The following EPM2A variants were observed in gnomAD, a reference collection of about 807,000 sequenced individuals.
The protein encoded by EPM2A is laforin.
A neutral mutation model predicts 26.5 loss-of-function variants in EPM2A; 21 were observed. The observed-to-expected ratio is 0.79, with a 90% confidence interval of 0.56 to 1.14. The LOEUF is 1.14. Ranked by LOEUF, EPM2A falls within the 50% of genes most tolerant of loss-of-function variation. The pLI, the probability that EPM2A is intolerant of heterozygous loss-of-function variation, is 0.00. For missense variants in EPM2A, 458 were observed against 440.8 expected (o/e 1.04, Z -0.35); for synonymous variants, 217 against 177.6 (o/e 1.22, Z -1.76).
intron 2 of EPM2A, among the ~76,000 whole-genome samples, chr6:145,545,294 A>G (rs1780568955): frequency 6.6e-6 from 1 of 152,108 alleles, no homozygotes; most frequent in Non-Finnish European, 1.5e-5. Context: ...TCATCCTTAG[A>G]CCAGTGGCTG....
chr6:145,706,738 A>C (rs1235079875), intron 1 of EPM2A, among the ~76,000 whole-genome samples: 1 of 152,250 alleles, frequency 6.6e-6, no homozygotes, highest in Non-Finnish European at 1.5e-5. Context: ...GGTTTTGTTC[A>C]AATACATTCA....
chr6:145,442,528 T>G (rs904159054), intron 4 of EPM2A, among the ~76,000 whole-genome samples: 1 of 151,438 alleles, frequency 6.6e-6, no homozygotes, highest in African/African-American at 2.4e-5. Context: ...TTGTGAGACT[T>G]AATCACCACC....
In EPM2A at chr6:145,553,083, T is replaced by C. The variant is rs117390742; in HGVS notation, c.341-50508A>G. On this transcript the variant is annotated intron_variant, in intron 2 of 3. Transcript: ENST00000450221. The stretch of plus-strand genomic sequence containing the variant: ...GGAGGTAATTGAATCATGAGGGCAG[T>C]TTCGCCATGCTGTTATCATGATAAT... Among the ~76,000 whole-genome samples the C allele has an allele frequency of 4.6e-3, 702 of 152,102 alleles. 26 individuals carry two copies. In the East Asian group the frequency reaches 0.084, roughly 18 times the overall value.
At chr6:145,446,789 G>C (rs1399642233) in intron 4 of EPM2A, among the ~76,000 whole-genome samples, 1 of 152,028 alleles carries the variant, frequency 6.6e-6, no homozygotes, top group African/African-American at 2.4e-5. Flanking sequence ...TCAAAAGGAT[G>C]CCTCAAGGTA....
intron 2 of EPM2A, among the ~76,000 whole-genome samples, chr6:145,680,384 T>TTTA (rs77278542): frequency 0.56 from 79,706 of 141,228 alleles, 22,723 homozygotes; most frequent in East Asian, 0.65. Context: ...TATTTATTTA[T>TTTA]TTTATTTTAT....
At chr6:145,706,659 A>G (rs1782240179) in intron 1 of EPM2A, among the ~76,000 whole-genome samples, 2 of 152,218 alleles carry the variant, frequency 1.3e-5, no homozygotes. Context: ...GATTAAAATA[A>G]TATGCCGCTG....
chr6:145,599,847 T>C lies in EPM2A; in HGVS notation c.340+35398A>G, dbSNP rs1288379932. Among the ~76,000 whole-genome samples the C allele has an allele frequency of 2.0e-5, 3 of 152,086 alleles. No homozygotes were observed. In the East Asian group the frequency reaches 5.8e-4, roughly 29 times the overall value. On this transcript the variant is annotated intron_variant, in intron 2 of 3. Coordinates refer to the EPM2A transcript ENST00000450221. The stretch of plus-strand genomic sequence containing the variant: ...ATCATCTGTAAACATTGTATGTTTC[T>C]CCATTTACACAAATTTCCCTCTATA...
chr6:145,406,511 T>C (rs1246925336), intron 4 of EPM2A, among the ~76,000 whole-genome samples: 3 of 152,160 alleles, frequency 2.0e-5, no homozygotes, highest in Non-Finnish European at 4.4e-5. Flanking sequence ...TAAGGCACTC[T>C]GGTGGATGTA....
intron 2 of EPM2A, among the ~76,000 whole-genome samples, chr6:145,594,588 CA>C (rs1000376325): frequency 2.0e-5 from 3 of 151,528 alleles, no homozygotes; most frequent in African/African-American, 7.3e-5. Flanking sequence ...CAATAATATA[CA>C]AAAAATTCTA....
intron 2 of EPM2A, chr6:145,640,233 C>G (rs1776990219): frequency 6.6e-6 from 1 of 152,132 alleles, no homozygotes; most frequent in South Asian, 2.1e-4. Context: ...CACAGGGTAT[C>G]GACAGGAGAA....
intron 1 of EPM2A, among the ~76,000 whole-genome samples, chr6:145,707,846 A>G (rs1464629516): frequency 6.6e-6 from 1 of 152,230 alleles, no homozygotes; most frequent in Non-Finnish European, 1.5e-5. Flanking sequence ...AAAATGTGAA[A>G]GTGACTTTGG....
intron 2 of EPM2A, among the ~76,000 whole-genome samples, chr6:145,571,944 A>G (rs1780963937): frequency 6.6e-6 from 1 of 152,200 alleles, no homozygotes; most frequent in Non-Finnish European, 1.5e-5. Context: ...ACAGTTTTGT[A>G]CCACTCAGAG....
At chr6:145,665,840 G>C (rs1779138040) in intron 2 of EPM2A, among the ~76,000 whole-genome samples, 1 of 142,590 alleles carries the variant, frequency 7.0e-6, no homozygotes. Context: ...TTCATCCCTG[G>C]GATGCAAGGC....
At chr6:145,509,624 C>T (rs577204413) in intron 2 of EPM2A, among the ~76,000 whole-genome samples, 5 of 152,160 alleles carry the variant, frequency 3.3e-5, no homozygotes, top group Admixed American at 2.6e-4. Context: ...TTTGCTACCA[C>T]GAAAGCACAC....
intron 2 of EPM2A, among the ~76,000 whole-genome samples, chr6:145,601,025 T>A (rs1353800056): frequency 6.6e-6 from 1 of 152,220 alleles, no homozygotes; most frequent in East Asian, 1.9e-4. Flanking sequence ...ACTTGCTCCT[T>A]ACTTGGAGGC....
At chr6:145,681,766 A>T (rs1324528728) in intron 2 of EPM2A, among the ~76,000 whole-genome samples, 1 of 152,212 alleles carries the variant, frequency 6.6e-6, no homozygotes, top group East Asian at 1.9e-4. Flanking sequence ...GGATAACTGT[A>T]GTCTCTCTAT....
In EPM2A at chr6:145,667,745, C is replaced by T. The variant is rs1202392649; in HGVS notation, c.476+18377G>A. On this transcript the variant is annotated intron_variant, in intron 2 of 3. Coordinates refer to ENST00000367519, the MANE Select transcript of EPM2A (RefSeq NM_005670.4). ...TTTATTGCAGCATTATTCACAATAG[C>T]AAAGACTTGGAACCAACCCAAATGT... 2.3e-5 allele frequency among the ~76,000 whole-genome samples: 3 copies of T among 129,950 alleles called. No homozygotes were observed. In the East Asian group the frequency reaches 7.0e-4, roughly 30 times the overall value. 85.3% of individuals were successfully genotyped at this position (129,950 alleles called of 152,430 possible).
chr6:145,707,206 T>C (rs1470166560), intron 1 of EPM2A, among the ~76,000 whole-genome samples: 2 of 152,236 alleles, frequency 1.3e-5, no homozygotes, highest in Non-Finnish European at 2.9e-5. Context: ...TTGGTTTCCA[T>C]ATTATTACAC....
intron 2 of EPM2A, among the ~76,000 whole-genome samples, chr6:145,527,833 TA>T (rs1293747083): frequency 2.0e-5 from 3 of 152,080 alleles, no homozygotes; most frequent in Admixed American, 1.3e-4. Context: ...AGGCATGTCA[TA>T]AGCTGAGAAA....
Sources: allele counts gnomAD v4.1 joint callset (sites outside exome capture counted in the v4.1 genomes callset), GRCh38; gene constraint gnomAD v4.1.1; transcripts MANE v1.5; gene names NCBI Gene and HGNC (gene_info 2026-07-23, HGNC 2026-07-21).